The following CAPN3 variants were observed in gnomAD, a reference collection of about 807,000 sequenced individuals.
The protein encoded by CAPN3 is calpain-3.
CAPN3 carries 88 observed loss-of-function variants against 114.0 expected under a neutral mutation model. That is an observed-to-expected ratio of 0.77 (90% CI 0.65 to 0.92). CAPN3 has a LOEUF of 0.92. Among genes scored for constraint, CAPN3 ranks in the 40% least tolerant of loss-of-function variants. The pLI, the probability that CAPN3 is intolerant of heterozygous loss-of-function variation, is 0.00. For synonymous variants in CAPN3, 386 were observed against 382.9 expected (o/e 1.01, Z -0.09); for missense variants, 1,028 against 1,069.0 (o/e 0.96, Z 0.53).
At chr15:42,388,672 G>A (rs1246719142) in intron 4 of CAPN3, among the ~76,000 whole-genome samples, 1 of 152,028 alleles carries the variant, frequency 6.6e-6, no homozygotes, top group Non-Finnish European at 1.5e-5. Context: ...CTCTCAGGAA[G>A]TGGGGATAGC....
chr15:42,376,207 C>A (rs531111193), intron 1 of CAPN3, among the ~76,000 whole-genome samples: 77 of 152,320 alleles, frequency 5.1e-4, no homozygotes, highest in Non-Finnish European at 7.6e-4. Context: ...GGTTTCTTTA[C>A]TGTGAAGTTA....
chr15:42,384,672 T>A (rs908932412), intron 2 of CAPN3, 120 bp downstream of exon 2: 19 of 774,680 alleles, frequency 2.5e-5, no homozygotes, highest in Non-Finnish European at 4.2e-5. Context: ...TTTGGAAGAT[T>A]TTTTATAACA....
intron 2 of CAPN3, among the ~76,000 whole-genome samples, chr15:42,385,319 G>T (rs1790255537): frequency 1.3e-5 from 2 of 152,240 alleles, no homozygotes; most frequent in African/African-American, 4.8e-5. Context: ...AAGGCTTCCT[G>T]CAGAGCCCTG....
In CAPN3 at chr15:42,411,346, G is replaced by T. The variant is rs867531606; in HGVS notation, c.2439+1G>T. On this transcript the variant is annotated splice_donor_variant, in intron 23 of 23. Transcript: ENST00000397163. LOFTEE classifies it high-confidence loss of function. ...TATCATCAAGCTCAACGTTCTGGAG[G>T]TAAAGCATAGGCACAGCACATTCCC... 1 of 1,613,646 alleles carries T rather than the reference G, an allele frequency of 6.2e-7. No homozygotes were observed. The highest frequency in any genetic ancestry group is 1.1e-5 in the South Asian group (1 of 91,068).
In CAPN3 at chr15:42,411,961, C is replaced by A. The variant is rs371114395; in HGVS notation, c.*188C>A. 24 of 1,519,288 alleles carry A rather than the reference C, an allele frequency of 1.6e-5. No homozygotes were observed. Among genetic ancestry groups the A allele is most frequent in the East Asian group, 4.9e-5 (2 of 40,752 alleles). 94.1% of individuals were successfully genotyped at this position (1,519,288 alleles called of 1,614,324 possible). On this transcript the variant is annotated 3_prime_UTR_variant, in exon 24 of 24. Coordinates refer to ENST00000397163, the MANE Select transcript of CAPN3 (RefSeq NM_000070.3). ...CTTGATCGGTCATGCCTAGCCTGAC[C>A]CTTTAGTAAAGCAATGAGGTAGGAA...
intron 1 of CAPN3, among the ~76,000 whole-genome samples, chr15:42,380,751 A>ATATATATATATATATTTTTTT (rs1436943739): frequency 4.7e-5 from 3 of 64,454 alleles, no homozygotes; most frequent in African/African-American, 2.7e-4. Flanking sequence ...ATATATATAT[A>ATATATATATATATATTTTTTT]TTTTTTTTTT....
At position 42,410,489 on chromosome 15, in the gene CAPN3, C is replaced by T. The variant is rs2141223812; in HGVS notation, c.2177C>T (p.Ala726Val). The T allele has an allele frequency of 1.2e-6, 2 of 1,614,006 alleles. No individual in the cohort carries two copies. Among genetic ancestry groups the T allele is most frequent in the Non-Finnish European group, 1.7e-6 (2 of 1,179,948 alleles). Residue 726 changes from alanine (A) to valine (V), a missense_variant, in exon 20 of 24, where the codon GCC becomes GTC. Physicochemically the swap from Ala to Val is moderately conservative, Grantham distance 64. Transcript: ENST00000397163. ...EFHHLWNKIK[A>V]WQKIFKHYDT... ...CACCACCTCTGGAACAAGATTAAGG[C>T]CTGGCAGGTGGGAAGAGAAAATGAA...
Position 42,409,368 on chromosome 15 carries a change from G to C in CAPN3, c.1980G>C (p.Gln660His). 6.2e-7 allele frequency: 1 copy of C among 1,614,136 alleles called. No individual in the cohort carries two copies. The highest frequency in any genetic ancestry group is 8.5e-7 in the Non-Finnish European group (1 of 1,179,964). Residue 660 changes from glutamine to histidine, a missense_variant, in exon 17 of 24, where the codon CAG (glutamine) becomes CAC (histidine). By Grantham distance (24) the Gln-to-His change is conservative. Coordinates refer to ENST00000397163, the MANE Select transcript of CAPN3 (RefSeq NM_000070.3). The part of the protein sequence containing the change: ...EQQQFRNIFK[Q>H]IAGDDMEICA... ...AACAATTCCGGAACATTTTCAAGCA[G>C]ATAGCAGGAGATGTGAGTACCTCCA...
rs2141202805 is a variant in CAPN3, at chr15:42,402,826, C to T, written c.1569C>T (p.Asp523=). The change falls in exon 13 of 24, where the codon GAC becomes GAT. Residue 523 remains aspartate (D), a synonymous_variant. Transcript: ENST00000397163. ...GGAACAAGCAGCACCTGCAGAAGGA[C>T]TTCTTCCTGTACAACGCCTCCAAGG... is the stretch of plus-strand genomic sequence containing the variant. The part of the protein sequence containing the change: ...MHGNKQHLQK[D]FFLYNASKAR... The T allele has an allele frequency of 2.5e-6, 4 of 1,614,186 alleles. No homozygotes were observed. In the South Asian group the frequency reaches 3.3e-5, roughly 13 times the overall value.
At chr15:42,395,595 C>G (rs976875887) in intron 8 of CAPN3, among the ~76,000 whole-genome samples, 1 of 152,162 alleles carries the variant, frequency 6.6e-6, no homozygotes, top group African/African-American at 2.4e-5. Flanking sequence ...CTCAGTGACT[C>G]CTCAGTTGTC....
At chr15:42,390,790 GTTTTT>G (rs373599109) in intron 6 of CAPN3, among the ~76,000 whole-genome samples, 1 of 110,304 alleles carries the variant, frequency 9.1e-6, no homozygotes, top group Non-Finnish European at 2.0e-5. Context: ...TTGTTTTTTT[GTTTTT>G]TTTTTTTTTT....
intron 1 of CAPN3, among the ~76,000 whole-genome samples, chr15:42,362,899 A>G (rs1004634258): frequency 2.6e-5 from 4 of 152,236 alleles, no homozygotes; most frequent in Admixed American, 2.0e-4. Flanking sequence ...TATCAGGAGA[A>G]GCACCACACA....
chr15:42,390,774 T>TTTTTTTTG (rs1427523097), intron 6 of CAPN3, among the ~76,000 whole-genome samples: 1 of 149,326 alleles, frequency 6.7e-6, no homozygotes, highest in African/African-American at 2.5e-5. Context: ...TTTCAGTTAG[T>TTTTTTTTG]TTTTTTTGTT....
At position 42,359,737 on chromosome 15, in the gene CAPN3, G is replaced by T. The variant is rs993928707; in HGVS notation, c.-69G>T. 6 of 1,607,422 alleles carry T rather than the reference G, an allele frequency of 3.7e-6. No individual in the cohort carries two copies. In the Admixed American group the frequency reaches 6.8e-5, roughly 18 times the overall value. ...TTACTCCAACTTCCCCTTTGCAGTT[G>T]CTTCCTTTCCTTGAAGGTAGCTGTA... On this transcript the variant is annotated 5_prime_UTR_variant, in exon 1 of 24. Coordinates refer to ENST00000397163, the MANE Select transcript of CAPN3 (RefSeq NM_000070.3).
chr15:42,379,192 A>G (rs2053172647), intron 1 of CAPN3, among the ~76,000 whole-genome samples: 1 of 152,066 alleles, frequency 6.6e-6, no homozygotes, highest in Non-Finnish European at 1.5e-5. Context: ...TGCATCTGTA[A>G]TCCCAGCTAC....
chr15:42,400,155 T>C (rs1306274457), intron 10 of CAPN3, among the ~76,000 whole-genome samples: 3 of 152,222 alleles, frequency 2.0e-5, no homozygotes, highest in Non-Finnish European at 4.4e-5. Flanking sequence ...TTCTACTGAA[T>C]GTGCATCTCT....
chr15:42,384,402 C>T (rs970073083), intron 1 of CAPN3, 81 bp from the exon 2 acceptor site: 4 of 1,036,392 alleles, frequency 3.9e-6, no homozygotes, highest in African/African-American at 1.6e-5. Flanking sequence ...CAGAGTGAGA[C>T]TCCGTCTCAA....
rs138688613 is a variant in CAPN3, at chr15:42,384,425, C to G, written c.310-58C>G. 170 of 1,232,262 alleles carry G rather than the reference C, an allele frequency of 1.4e-4. No homozygotes were observed. In the East Asian group the frequency reaches 3.9e-3, roughly 28 times the overall value. 76.3% of individuals were successfully genotyped at this position (1,232,262 alleles called of 1,614,324 possible). A position where few individuals can be genotyped will look rare whatever the true frequency, so the allele number is the denominator to read the frequency against. ...GACTCCGTCTCAAAAAAATACCTAT[C>G]TATCTATCTGTCTATCTACTGTTAT... On this transcript the variant is annotated intron_variant, in intron 1 of 23. Coordinates refer to ENST00000397163, the MANE Select transcript of CAPN3 (RefSeq NM_000070.3).
At chr15:42,374,987 ATTT>A (rs1238311209) in intron 1 of CAPN3, among the ~76,000 whole-genome samples, 2 of 28,710 alleles carry the variant, frequency 7.0e-5, no homozygotes, top group Non-Finnish European at 1.2e-4. Context: ...TTAAATAAAA[ATTT>A]ATTTATTTAT....
Sources: gnomAD v4.1 joint callset for allele counts (sites outside exome capture counted in the v4.1 genomes callset) on GRCh38, gnomAD v4.1.1 for gene constraint, MANE v1.5 for transcripts, NCBI Gene and HGNC (gene_info 2026-07-23, HGNC 2026-07-21) for gene names.